The following ST18 variants were observed in gnomAD, a reference collection of about 807,000 sequenced individuals.
The protein encoded by ST18 is ST18 C2H2C-type zinc finger transcription factor, also known as suppression of tumorigenicity 18 protein.
Under a neutral mutation model 110.0 loss-of-function variants are expected in ST18, and 50 were observed. The ratio of observed to expected loss-of-function variants is 0.45; its 90% CI spans 0.36 to 0.58. ST18 has a LOEUF of 0.58. ST18 is among the 20% of genes least tolerant of loss of function. The pLI, the probability that ST18 is intolerant of heterozygous loss-of-function variation, is 0.00. For missense variants in ST18, 1,306 were observed against 1,280.1 expected, an observed-to-expected ratio of 1.02 and a Z score of -0.31; for synonymous variants, 461 against 452.4, an observed-to-expected ratio of 1.02 and a Z score of -0.24.
chr8:52,304,985 C>T (rs2095790937), intron 2 of ST18, among the ~76,000 whole-genome samples: 1 of 152,096 alleles, frequency 6.6e-6, no homozygotes, highest in Non-Finnish European at 1.5e-5. Flanking sequence ...ATTCTATTTG[C>T]TCTTTTTTCT....
chr8:52,300,285 T>C (rs1401661471), intron 2 of ST18, among the ~76,000 whole-genome samples: 1 of 152,154 alleles, frequency 6.6e-6, no homozygotes, highest in Non-Finnish European at 1.5e-5. Flanking sequence ...GTTATATTGC[T>C]ATACAGATTC....
chr8:52,381,197 C>T (rs893510006), intron 2 of ST18, among the ~76,000 whole-genome samples: 6 of 152,142 alleles, frequency 3.9e-5, no homozygotes, highest in African/African-American at 1.4e-4. Context: ...TCCCAGCTAC[C>T]TGCGGACTAA....
intron 2 of ST18, among the ~76,000 whole-genome samples, chr8:52,317,075 G>C (rs2096043685): frequency 6.6e-6 from 1 of 152,056 alleles, no homozygotes; most frequent in Non-Finnish European, 1.5e-5. Flanking sequence ...AGCTTTGTTA[G>C]TATTTTGATT....
chr8:52,147,890 G>T (rs2057768680), intron 16 of ST18, among the ~76,000 whole-genome samples: 1 of 152,176 alleles, frequency 6.6e-6, no homozygotes, highest in Non-Finnish European at 1.5e-5. Flanking sequence ...TATGTAGTAG[G>T]ACTGCGCCAA....
intron 2 of ST18, among the ~76,000 whole-genome samples, chr8:52,386,090 C>G (rs1423617691): frequency 6.6e-6 from 1 of 152,194 alleles, no homozygotes; most frequent in African/African-American, 2.4e-5. Flanking sequence ...CATTGATTGT[C>G]TCCTTCATCA....
chr8:52,285,801 C>A (rs1464537068), intron 2 of ST18, among the ~76,000 whole-genome samples: 1 of 152,206 alleles, frequency 6.6e-6, no homozygotes, highest in Non-Finnish European at 1.5e-5. Flanking sequence ...CCAGGAGAAG[C>A]ATGTCTCCTC....
chr8:52,332,530 CT>C (rs140331895), intron 2 of ST18, among the ~76,000 whole-genome samples: 28,255 of 49,402 alleles, frequency 0.57, 8,545 homozygotes, highest in Non-Finnish European at 0.67. Context: ...TCTAATGTAG[CT>C]TTTTTTTTTT....
At chr8:52,283,647 C>T (rs1201610588) in intron 2 of ST18, among the ~76,000 whole-genome samples, 1 of 152,190 alleles carries the variant, frequency 6.6e-6, no homozygotes. Flanking sequence ...CGAGACTCAG[C>T]TGCTGGAAGT....
intron 2 of ST18, among the ~76,000 whole-genome samples, chr8:52,399,403 T>C (rs1259142315): frequency 2.6e-5 from 4 of 151,924 alleles, no homozygotes; most frequent in Non-Finnish European, 5.9e-5. Context: ...TTTTATGAAT[T>C]TTATCTATGG....
intron 2 of ST18, among the ~76,000 whole-genome samples, chr8:52,352,684 T>A (rs944991670): frequency 5.3e-5 from 8 of 152,136 alleles, no homozygotes; most frequent in Non-Finnish European, 8.8e-5. Context: ...GCGACACTCA[T>A]GAAGAAGCCA....
chr8:52,133,586 T>C (rs942922402), intron 19 of ST18, among the ~76,000 whole-genome samples: 1 of 152,006 alleles, frequency 6.6e-6, no homozygotes, highest in African/African-American at 2.4e-5. Flanking sequence ...TGTTGTTTAT[T>C]GTACATTCTT....
chr8:52,244,315 A>G (rs144332952), intron 2 of ST18, among the ~76,000 whole-genome samples: 8 of 152,290 alleles, frequency 5.3e-5, no homozygotes, highest in African/African-American at 1.9e-4. Context: ...GAATGTGAGT[A>G]TTTCAGAAAA....
chr8:52,350,177 T>G (rs908911133), intron 2 of ST18, among the ~76,000 whole-genome samples: 6 of 152,146 alleles, frequency 3.9e-5, no homozygotes, highest in African/African-American at 1.4e-4. Flanking sequence ...TAAAATATCC[T>G]TTGAGGTTCT....
intron 8 of ST18, among the ~76,000 whole-genome samples, chr8:52,204,739 A>G (rs1188574495): frequency 6.6e-6 from 1 of 152,230 alleles, no homozygotes; most frequent in African/African-American, 2.4e-5. Flanking sequence ...ATTATCTCTG[A>G]CAATGCAAGT....
intron 8 of ST18, among the ~76,000 whole-genome samples, chr8:52,189,766 G>A (rs991952018): frequency 1.3e-5 from 2 of 152,218 alleles, no homozygotes; most frequent in Non-Finnish European, 2.9e-5. Context: ...CTTTGATAGA[G>A]TGGGAGAATA....
intron 2 of ST18, among the ~76,000 whole-genome samples, chr8:52,315,232 G>A (rs985369288): frequency 5.1e-4 from 77 of 152,308 alleles, no homozygotes; most frequent in African/African-American, 1.8e-3. Context: ...AGGCTTTGCC[G>A]TATTTCCATG....
chr8:52,139,521 A>G (rs1225687770), intron 17 of ST18, among the ~76,000 whole-genome samples: 1 of 151,364 alleles, frequency 6.6e-6, no homozygotes, highest in Non-Finnish European at 1.5e-5. Flanking sequence ...ATGCCCGACT[A>G]ATTTTTGTGT....
In ST18 at chr8:52,165,158, G is replaced by C; in HGVS notation, c.1272C>G (p.Asn424Lys). 3 of 1,614,200 alleles carry C rather than the reference G, an allele frequency of 1.9e-6. No homozygotes were observed. Among genetic ancestry groups the C allele is most frequent in the Non-Finnish European group, 2.5e-6 (3 of 1,180,032 alleles). ...ACCTCCTGTGGGTGTTGCGGTTGCT[G>C]TTCACATGACCCCTTCCTGTGCATC... The part of the protein sequence containing the change: ...TPGCTGRGHV[N>K]SNRNTHRSLS... The change falls in exon 12 of 26, where the codon AAC (asparagine) becomes AAG (lysine). Residue 424 changes from asparagine (N) to lysine (K), a missense_variant. By Grantham distance (94) the Asn-to-Lys change is moderately conservative. Coordinates refer to ENST00000689386, the MANE Select transcript of ST18 (RefSeq NM_001352837.2).
At chr8:52,339,507 C>T (rs1813833712) in intron 2 of ST18, among the ~76,000 whole-genome samples, 6 of 152,232 alleles carry the variant, frequency 3.9e-5, no homozygotes, top group Admixed American at 3.9e-4. Flanking sequence ...GTTCGCAGAT[C>T]TTGGGGGCCA....
Sources: gnomAD v4.1 joint callset for allele counts (sites outside exome capture counted in the v4.1 genomes callset) on GRCh38, gnomAD v4.1.1 for gene constraint, MANE v1.5 for transcripts, NCBI Gene and HGNC (gene_info 2026-07-23, HGNC 2026-07-21) for gene names.